CC2D2A: variants seen among roughly 807,000 people sequenced by gnomAD.
CC2D2A encodes coiled-coil and C2 domain-containing protein 2A.
A neutral mutation model predicts 212.9 loss-of-function variants in CC2D2A; 155 were observed. The ratio of observed to expected loss-of-function variants is 0.73; its 90% CI spans 0.64 to 0.83. The LOEUF (loss-of-function observed/expected upper bound fraction) is 0.83, where lower values mean the gene tolerates loss of function less well. Among genes scored for constraint, CC2D2A ranks in the 40% least tolerant of loss-of-function variants. CC2D2A has a pLI of 0.00. For missense variants in CC2D2A, 1,856 were observed against 1,956.2 expected (o/e 0.95, Z 0.97); for synonymous variants, 667 against 686.5 (o/e 0.97, Z 0.44).
rs1719539034 is a variant in CC2D2A at position 15,560,642 on chromosome 4, T to A, written c.3014+20T>A. 7.1e-6 allele frequency: 7 copies of A among 991,672 alleles called. No individual in the cohort carries two copies. Among genetic ancestry groups the A allele is most frequent in the Non-Finnish European group, 1.1e-5 (7 of 660,718 alleles). The allele number at this position is 991,672 out of a possible 1,614,324, so 61.4% of individuals were successfully genotyped here. ...TATCAGGTAAAAATAATCAAAGCCATTATTATCAATTCTTATAAAAATTAT... is the reference window on the plus strand; with the variant it reads ...TATCAGGTAAAAATAATCAAAGCCAATATTATCAATTCTTATAAAAATTAT... On this transcript the variant is annotated intron_variant, in intron 23 of 36. Transcript: ENST00000424120.
intron 24 of CC2D2A, 117 bp from the exon 25 acceptor site, chr4:15,567,260 T>G (rs1189363763): frequency 1.3e-6 from 1 of 752,140 alleles, no homozygotes; most frequent in Non-Finnish European, 2.2e-6. Flanking sequence ...ATCATGCCAC[T>G]GCACTTCAGC....
chr4:15,592,615 T>C (rs1007019350), intron 33 of CC2D2A, among the ~76,000 whole-genome samples: 36 of 152,220 alleles, frequency 2.4e-4, no homozygotes, highest in Non-Finnish European at 2.9e-5. Flanking sequence ...CAGTTGTTTC[T>C]TATGTTTCTT....
At chr4:15,502,630 C>A in intron 5 of CC2D2A, 113 bp downstream of exon 5, 1 of 1,082,770 alleles carries the variant, frequency 9.2e-7, no homozygotes, top group Non-Finnish European at 1.3e-6. Context: ...TTCAATTTGT[C>A]TTTCAAGTTT....
At chr4:15,478,634 G>C (rs1714399232) in intron 2 of CC2D2A, 89 bp from the exon 3 acceptor site, 1 of 920,886 alleles carries the variant, frequency 1.1e-6, no homozygotes. Flanking sequence ...TAGAAGCCCA[G>C]GGTCAAGATG....
intron 31 of CC2D2A, among the ~76,000 whole-genome samples, chr4:15,587,292 C>T (rs1292629066): frequency 6.6e-6 from 1 of 152,184 alleles, no homozygotes; most frequent in African/African-American, 2.4e-5. Context: ...TCACCTGCTA[C>T]TCACCTCCTG....
chr4:15,479,959 G>A (rs1242703955), intron 3 of CC2D2A, among the ~76,000 whole-genome samples: 3 of 152,162 alleles, frequency 2.0e-5, no homozygotes, highest in African/African-American at 7.2e-5. Context: ...TTTATAGGTT[G>A]GGAGCATTGC....
Position 15,567,758 on chromosome 4 carries a change from T to C in CC2D2A, c.3370T>C (p.Trp1124Arg). 6.3e-7 allele frequency: 1 copy of C among 1,598,166 alleles called. No homozygotes were observed. The highest frequency in any genetic ancestry group is 8.5e-7 in the Non-Finnish European group (1 of 1,175,724). The change falls in exon 26 of 37, where the codon TGG (tryptophan) becomes CGG (arginine). Residue 1124 changes from tryptophan to arginine, a missense_variant. By Grantham distance (101) the Trp-to-Arg change is moderately radical (BLOSUM62 -3). This residue lies in a region of CC2D2A where 1,512 missense variants were observed against 1,579.3 expected (regional missense o/e 0.96). Transcript: ENST00000424120. Reference protein sequence around the residue: ...TTTAEGPNPSWNEELELPFRA... With the variant: ...TTTAEGPNPSRNEELELPFRA... ...TACGGCTGAAGGACCAAACCCTAGC[T>C]GGAATGAAGAACTAGAACTTCCATT...
rs927220029 is a variant in CC2D2A at position 15,563,258 on chromosome 4, C to T, written c.3015-97C>T. 52 of 1,170,082 alleles carry T rather than the reference C, an allele frequency of 4.4e-5. No individual in the cohort carries two copies. In the Admixed American group the frequency reaches 6.0e-4, roughly 14 times the overall value. The allele number at this position is 1,170,082 out of a possible 1,614,324, so 72.5% of individuals were successfully genotyped here. ...CAAAGGACAAGGAGTTTTTCAGGGG[C>T]GTGTGCAGGACCATGGGGCAGAGTT... On this transcript the variant is annotated intron_variant, in intron 23 of 36. Coordinates refer to ENST00000424120, the MANE Select transcript of CC2D2A (RefSeq NM_001378615.1).
chr4:15,556,054 A>G (rs1719263020), intron 20 of CC2D2A, among the ~76,000 whole-genome samples: 1 of 152,230 alleles, frequency 6.6e-6, no homozygotes, highest in Non-Finnish European at 1.5e-5. Context: ...TTAAGTATTT[A>G]CCAGATAAAT....
chr4:15,601,509 G>T lies in CC2D2A; in HGVS notation c.*84G>T. 1 of 794,924 alleles carries T rather than the reference G, an allele frequency of 1.3e-6. No individual in the cohort carries two copies. Among genetic ancestry groups the T allele is most frequent in the South Asian group, 2.7e-5 (1 of 37,198 alleles). The allele number at this position is 794,924 out of a possible 1,614,324, so 49.2% of individuals were successfully genotyped here. Reference sequence around the variant, plus strand: ...TTAAATTATATGCATCACATCAGAAGAACATATTATTGGCAAATAATAAAA... The same window carrying T: ...TTAAATTATATGCATCACATCAGAATAACATATTATTGGCAAATAATAAAA... On this transcript the variant is annotated 3_prime_UTR_variant, in exon 37 of 37. Coordinates refer to ENST00000424120, the MANE Select transcript of CC2D2A (RefSeq NM_001378615.1).
chr4:15,470,685 CTCTCTATATATATATATATA>C (rs1279280116), intron 1 of CC2D2A, among the ~76,000 whole-genome samples: 1,439 of 39,982 alleles, frequency 0.036, 9 homozygotes, highest in Admixed American at 0.066. Context: ...CTCTCTCTCT[CTCTCTATATATATATATATA>C]TATATATATA....
In CC2D2A at chr4:15,549,149, T is replaced by C. The variant is rs1718865739; in HGVS notation, c.2182-1675T>C. Among the ~76,000 whole-genome samples the C allele has an allele frequency of 1.3e-5, 2 of 152,210 alleles. 1 individual carries two copies. The highest frequency in any genetic ancestry group is 4.1e-4 in the South Asian group (2 of 4,826). ...CAGTATAGATGAAGTAAGATGGTCA[T>C]AACATAGTGATCATTGAAGCTGGGG... On this transcript the variant is annotated intron_variant, in intron 17 of 36. Coordinates refer to ENST00000424120, the MANE Select transcript of CC2D2A (RefSeq NM_001378615.1).
intron 17 of CC2D2A, among the ~76,000 whole-genome samples, chr4:15,547,082 A>G (rs1181605028): frequency 1.3e-5 from 2 of 152,198 alleles, no homozygotes; most frequent in Non-Finnish European, 2.9e-5. Flanking sequence ...CAGGAAAAAA[A>G]CATGCTGGTT....
chr4:15,521,242 A>G (rs1213071502), intron 11 of CC2D2A, among the ~76,000 whole-genome samples: 2 of 152,164 alleles, frequency 1.3e-5, no homozygotes, highest in Admixed American at 1.3e-4. Flanking sequence ...GAGATATTAT[A>G]TCTATCTGTT....
chr4:15,526,509 T>C (rs796194233), intron 11 of CC2D2A, among the ~76,000 whole-genome samples: 22 of 152,342 alleles, frequency 1.4e-4, no homozygotes, highest in African/African-American at 5.1e-4. Flanking sequence ...TAAAAGCTTC[T>C]TTTCTGATTA....
At chr4:15,569,014 C>T (rs1468724301) in intron 26 of CC2D2A, among the ~76,000 whole-genome samples, 1 of 152,154 alleles carries the variant, frequency 6.6e-6, no homozygotes, top group African/African-American at 2.4e-5. Flanking sequence ...AAGCTGCCTC[C>T]TTGAAAAGCT....
chr4:15,470,961 G>A (rs939284316), intron 1 of CC2D2A, among the ~76,000 whole-genome samples: 1 of 151,924 alleles, frequency 6.6e-6, no homozygotes, highest in African/African-American at 2.4e-5. Flanking sequence ...CATCCAGGGA[G>A]GGGCTTCCAG....
intron 13 of CC2D2A, among the ~76,000 whole-genome samples, chr4:15,531,284 C>T (rs1278648091): frequency 6.6e-6 from 1 of 152,156 alleles, no homozygotes; most frequent in African/African-American, 2.4e-5. Context: ...TGCTTGAACG[C>T]AGACACCATC....
chr4:15,556,626 C>A (rs1205259555), intron 20 of CC2D2A, among the ~76,000 whole-genome samples: 1 of 152,208 alleles, frequency 6.6e-6, no homozygotes, highest in African/African-American at 2.4e-5. Flanking sequence ...TCTTGGGGCA[C>A]TAGCTTTTCC....
Sources: gnomAD v4.1 joint callset for allele counts (sites outside exome capture counted in the v4.1 genomes callset) on GRCh38, gnomAD v4.1.1 for gene constraint, gnomAD v4.1.1 regional missense constraint, MANE v1.5 for transcripts, NCBI Gene and HGNC (gene_info 2026-07-23, HGNC 2026-07-21) for gene names.